RUFY4: variants seen among roughly 807,000 people sequenced by gnomAD.
RUFY4 encodes the protein RUN and FYVE domain-containing protein 4.
Under a neutral mutation model 69.0 loss-of-function variants are expected in RUFY4, and 73 were observed. That is an observed-to-expected ratio of 1.06 (90% confidence interval 0.88 to 1.29). The LOEUF is 1.29. Ranked by LOEUF, RUFY4 falls within the 50% of genes most tolerant of loss-of-function variation. RUFY4 has a pLI of 0.00. For synonymous variants in RUFY4, 287 were observed against 271.8 expected (o/e 1.06, Z -0.55); for missense variants, 770 against 705.6 (o/e 1.09, Z -1.03).
At chr2:218,087,101 T>C (rs1014815024) in intron 9 of RUFY4, among the ~76,000 whole-genome samples, 1 of 152,058 alleles carries the variant, frequency 6.6e-6, no homozygotes, top group African/African-American at 2.4e-5. Context: ...TAGAATCAAC[T>C]TAAAAGCAAA....
At chr2:218,054,478 C>A (rs1224159590) in intron 2 of RUFY4, among the ~76,000 whole-genome samples, 6 of 151,316 alleles carry the variant, frequency 4.0e-5, no homozygotes, top group African/African-American at 1.5e-4. Context: ...TTGTTTGAAC[C>A]CAGGAAGTGG....
exon 11 of RUFY4, chr2:218,089,966 T>A (rs1331581711): frequency 1.3e-6 from 2 of 1,561,878 alleles, no homozygotes; most frequent in East Asian, 4.8e-5. Context: ...TGTGGAGGCC[T>A]GCTCTGCCAT....
rs55874741 is a variant in RUFY4 at position 218,045,827 on chromosome 2, C to T, written c.-1158+10433C>T. Among the ~76,000 whole-genome samples, 340 of 147,040 alleles carry T rather than the reference C, an allele frequency of 2.3e-3. 2 individuals carry two copies. The highest frequency in any genetic ancestry group is 3.0e-3 in the Admixed American group (44 of 14,644). On this transcript the variant is annotated intron_variant and NMD_transcript_variant, in intron 2 of 13. Coordinates refer to the RUFY4 transcript ENST00000457754. ...ATAGTGATTTTTTTTTTTTTTGAGGCGGAGTCTCGCTCTGTTGCCCAGGCT... is the reference window on the plus strand; with the variant it reads ...ATAGTGATTTTTTTTTTTTTTGAGGTGGAGTCTCGCTCTGTTGCCCAGGCT...
Position 218,070,715 on chromosome 2 carries a change from C to G in RUFY4, c.47-38C>G, listed in dbSNP as rs889347819. 7.2e-6 allele frequency: 11 copies of G among 1,535,032 alleles called. No individual in the cohort carries two copies. The African/African-American group carries it at 1.5e-4, about 21-fold the overall frequency. ...GGGAGAAGTCAGGGTCTGGGAGCCC[C>G]TCCCTCAGCGACCTGACATCTGCCA... On this transcript the variant is annotated intron_variant, in intron 1 of 10. Coordinates refer to ENST00000344321, the Ensembl canonical transcript of RUFY4.
chr2:218,050,489 G>GGGAGGTGGGAATAAGA (rs1359751477), intron 2 of RUFY4, among the ~76,000 whole-genome samples: 2 of 152,154 alleles, frequency 1.3e-5, no homozygotes, highest in Non-Finnish European at 2.9e-5. Flanking sequence ...ACCAAACTGT[G>GGGAGGTGGGAATAAGA]GGAGGTGGGA....
At chr2:218,075,537 A>G in exon 7 of RUFY4, 1 of 1,544,328 alleles carries the variant, frequency 6.5e-7, no homozygotes, top group Non-Finnish European at 8.7e-7. Context: ...GCTGATGCCC[A>G]GCCCCAGAGG....
upstream of RUFY4, chr2:218,070,252 A>G: frequency 3.1e-6 from 1 of 322,872 alleles, no homozygotes; most frequent in East Asian, 7.3e-5. Flanking sequence ...GATGCTGGAT[A>G]AAAGACTTAC....
At chr2:218,060,200 G>A (rs898331833) in intron 3 of RUFY4, 3 of 706,516 alleles carry the variant, frequency 4.2e-6, no homozygotes, top group Non-Finnish European at 6.8e-6. Flanking sequence ...TAGTAAGAAC[G>A]TGGCCTCCTC....
chr2:218,087,861 T>C (rs1413260612), intron 9 of RUFY4, among the ~76,000 whole-genome samples: 3 of 151,692 alleles, frequency 2.0e-5, no homozygotes, highest in Non-Finnish European at 4.4e-5. Context: ...TGGTAGCCAA[T>C]AGAGGAACCA....
At chr2:218,067,403 C>A (rs762059639), upstream of RUFY4, among the ~76,000 whole-genome samples, 1 of 152,212 alleles carries the variant, frequency 6.6e-6, no homozygotes, top group Non-Finnish European at 1.5e-5. Flanking sequence ...AGCCACTGAG[C>A]CTTGGCTCCT....
At chr2:218,040,466 G>A (rs1559419149) in intron 2 of RUFY4, among the ~76,000 whole-genome samples, 1 of 152,102 alleles carries the variant, frequency 6.6e-6, no homozygotes, top group Non-Finnish European at 1.5e-5. Context: ...GATTTTCTTT[G>A]GGGTAGGACA....
At position 218,060,462 on chromosome 2, in the gene RUFY4, C is replaced by T. The variant is rs562042504; in HGVS notation, c.-1071+1781C>T. On this transcript the variant is annotated intron_variant and NMD_transcript_variant, in intron 3 of 13. Coordinates refer to the RUFY4 transcript ENST00000457754. ...TAATCTTGAGAAGTCCATGGCAAAA[C>T]TTCTGGCCAATGAAGGCGTAGATGA... 4 of 1,418,930 alleles carry T rather than the reference C, an allele frequency of 2.8e-6. No homozygotes were observed. In the African/African-American group the frequency reaches 5.5e-5, roughly 20 times the overall value. The allele number at this position is 1,418,930 out of a possible 1,614,324, so 87.9% of individuals were successfully genotyped here. A position where few individuals can be genotyped will look rare whatever the true frequency, so the allele number is the denominator to read the frequency against.
chr2:218,039,463 G>T (rs1959029085), intron 2 of RUFY4, among the ~76,000 whole-genome samples: 1 of 152,302 alleles, frequency 6.6e-6, no homozygotes, highest in South Asian at 2.1e-4. Context: ...ACTTACTATA[G>T]TCCCTGAAAG....
intron 2 of RUFY4, among the ~76,000 whole-genome samples, chr2:218,051,907 A>G (rs1688951578): frequency 6.6e-6 from 1 of 152,232 alleles, no homozygotes; most frequent in Non-Finnish European, 1.5e-5. Flanking sequence ...TTGAATTTTC[A>G]ATCATCTTCT....
At chr2:218,074,733 G>A (rs1284480986) in intron 6 of RUFY4, among the ~76,000 whole-genome samples, 1 of 152,098 alleles carries the variant, frequency 6.6e-6, no homozygotes, top group Non-Finnish European at 1.5e-5. Context: ...TTTTGCAGAT[G>A]AAAAAACTGA....
chr2:218,083,350 C>G, intron 9 of RUFY4, 94 bp downstream of exon 11: 1 of 1,469,958 alleles, frequency 6.8e-7, no homozygotes, highest in African/African-American at 1.4e-5. Flanking sequence ...ACTCACAACT[C>G]CCAAGCAGGG....
At position 218,052,826 on chromosome 2, in the gene RUFY4, G is replaced by C. The variant is rs187377885; in HGVS notation, c.-1157-5769G>C. On this transcript the variant is annotated intron_variant and NMD_transcript_variant, in intron 2 of 13. Coordinates refer to the RUFY4 transcript ENST00000457754. ...TGGGTTTTTTGAAAGTCATCCCTAAGGCAGGTCTAAGGTTTTTTTTTTCTC... is the reference window on the plus strand; with the variant it reads ...TGGGTTTTTTGAAAGTCATCCCTAACGCAGGTCTAAGGTTTTTTTTTTCTC... Among the ~76,000 whole-genome samples the C allele has an allele frequency of 4.0e-3, 525 of 132,116 alleles. 3 individuals are homozygous for C. The highest frequency in any genetic ancestry group is 0.012 in the African/African-American group (478 of 38,964). The allele number at this position is 132,116 out of a possible 152,430, so 86.7% of individuals were successfully genotyped here.
intron 2 of RUFY4, among the ~76,000 whole-genome samples, chr2:218,052,699 C>T (rs1349042701): frequency 6.6e-6 from 1 of 151,012 alleles, no homozygotes. Flanking sequence ...AGTTCAAGAC[C>T]AGCCTGGGCA....
intron 2 of RUFY4, 106 bp from the exon 5 acceptor site, chr2:218,072,268 T>G: frequency 7.2e-7 from 1 of 1,387,998 alleles, no homozygotes; most frequent in Non-Finnish European, 9.7e-7. Flanking sequence ...CGGGTGTGTC[T>G]GCAGGAGCCC....
Sources: allele counts gnomAD v4.1 joint callset (sites outside exome capture counted in the v4.1 genomes callset), GRCh38; gene constraint gnomAD v4.1.1; transcripts MANE v1.5; gene names NCBI Gene and HGNC (gene_info 2026-07-23, HGNC 2026-07-21).